MRO: variants seen among roughly 807,000 people sequenced by gnomAD.
MRO encodes protein maestro.
A neutral mutation model predicts 31.0 loss-of-function variants in MRO; 28 were observed. That is an observed-to-expected ratio of 0.90 (90% CI 0.67 to 1.24). MRO has a LOEUF of 1.24. MRO is among the 50% of genes most tolerant of loss of function. MRO has a pLI of 0.00. For missense variants in MRO, 332 were observed against 289.2 expected, an observed-to-expected ratio of 1.15 and a Z score of -1.07; for synonymous variants, 108 against 108.4, an observed-to-expected ratio of 1.00 and a Z score of 0.02.
intron 2 of MRO, 92 bp downstream of exon 2, chr18:50,819,489 C>T (rs1915197313): frequency 2.0e-6 from 3 of 1,509,816 alleles, no homozygotes; most frequent in Non-Finnish European, 2.7e-6. Context: ...TACTGGTGAC[C>T]AGAGTGACAT....
chr18:50,800,315 T>A (rs1913172493), intron 6 of MRO, among the ~76,000 whole-genome samples, 172 bp from the exon 7 acceptor site: 1 of 152,230 alleles, frequency 6.6e-6, no homozygotes, highest in Non-Finnish European at 1.5e-5. Context: ...GCTTATAAAA[T>A]GGCCATGTCT....
rs369332355 is a variant in MRO, at chr18:50,799,536, T to C, written c.694-146A>G. ...TCTGTATCCAGCTAGTGACCTGAAT[T>C]GGAACTGCCGATATATCTCGTGCTT... On this transcript the variant is annotated intron_variant, in intron 7 of 7. Coordinates refer to ENST00000398439, the MANE Select transcript of MRO (RefSeq NM_031939.6). 8.4e-6 allele frequency: 6 copies of C among 718,484 alleles called. No individual in the cohort carries two copies. The African/African-American group carries it at 8.8e-5, about 10-fold the overall frequency. 44.5% of individuals were successfully genotyped at this position (718,484 alleles called of 1,614,324 possible).
intron 5 of MRO, among the ~76,000 whole-genome samples, chr18:50,802,567 G>A (rs1913448072): frequency 6.6e-6 from 1 of 152,150 alleles, no homozygotes; most frequent in Non-Finnish European, 1.5e-5. Context: ...GAGGAGGGCT[G>A]GGGTGGGCCT....
upstream of MRO, among the ~76,000 whole-genome samples, chr18:50,824,459 CTT>C (rs202196810): frequency 3.8e-5 from 5 of 131,288 alleles, no homozygotes; most frequent in Admixed American, 7.7e-5. Flanking sequence ...TTTTTTCTTT[CTT>C]TTTTTTTTTT....
At chr18:50,801,229 C>T (rs904346548) in intron 6 of MRO, 120 bp downstream of exon 6, 119 of 818,422 alleles carry the variant, frequency 1.5e-4, no homozygotes, top group Non-Finnish European at 1.8e-4. Flanking sequence ...CACACAGAAA[C>T]GCTGCTAAGT....
upstream of MRO, chr18:50,820,146 C>T: frequency 4.9e-6 from 3 of 614,986 alleles, no homozygotes; most frequent in Non-Finnish European, 5.8e-6. Flanking sequence ...CCGTGGCTGC[C>T]TCCTTCCTTA....
intron 2 of MRO, chr18:50,819,314 C>A (rs1286719495): frequency 5.9e-6 from 3 of 507,548 alleles, no homozygotes; most frequent in Admixed American, 6.4e-5. Context: ...TGAGTCCCTG[C>A]CATTCTATTA....
rs568971486 is a variant in MRO at position 50,798,452 on chromosome 18, T to C, written c.*885A>G. The C allele has an allele frequency of 6.6e-6, 1 of 152,304 alleles. No homozygotes were observed. Among genetic ancestry groups the C allele is most frequent in the Admixed American group, 6.5e-5 (1 of 15,292 alleles). The allele number at this position is 152,304 out of a possible 1,614,324, so 9.4% of individuals were successfully genotyped here. On this transcript the variant is annotated 3_prime_UTR_variant, in exon 8 of 8. Transcript: ENST00000398439. Reference sequence around the variant, plus strand: ...TGGAAAGGCAGGATGGCATGATTATTGAGTATGGGCTCAAGAAGTCAGACC... The same window carrying C: ...TGGAAAGGCAGGATGGCATGATTATCGAGTATGGGCTCAAGAAGTCAGACC...
intron 2 of MRO, chr18:50,815,462 C>T (rs756666582): frequency 1.1e-5 from 3 of 275,562 alleles, no homozygotes; most frequent in African/African-American, 4.5e-5. Flanking sequence ...TGATCCTGGT[C>T]GTAATAGTAG....
At position 50,796,398 on chromosome 18, in the gene MRO, T is replaced by C. The variant is rs199656219; in HGVS notation, c.*2939A>G. Reference sequence around the variant, plus strand: ...CTTCTGTAGTTTCAATCTAACAGGATAAAAAAAAAAACATAAAGCCATATA... The same window carrying C: ...CTTCTGTAGTTTCAATCTAACAGGACAAAAAAAAAAACATAAAGCCATATA... On this transcript the variant is annotated 3_prime_UTR_variant, in exon 8 of 8. Coordinates refer to ENST00000398439, the MANE Select transcript of MRO (RefSeq NM_031939.6). The C allele has an allele frequency of 6.7e-6, 1 of 148,172 alleles. No individual in the cohort carries two copies. The highest frequency in any genetic ancestry group is 2.5e-5 in the African/African-American group (1 of 40,158). The allele number at this position is 148,172 out of a possible 1,614,324, so 9.2% of individuals were successfully genotyped here.
chr18:50,806,733 C>T lies in MRO; in HGVS notation c.217G>A (p.Gly73Arg). The T allele has an allele frequency of 1.2e-6, 2 of 1,614,170 alleles. No homozygotes were observed. The highest frequency in any genetic ancestry group is 1.7e-6 in the Non-Finnish European group (2 of 1,180,040). ...TCAGGGGCTTCATAGGCCATGGTTC[C>T]CAAGTTTCTCATTGCCATGTGACGC... ...KKRHMAMRNL[G>R]TMAYEAPDKV... is the part of the protein sequence containing the mutation. The change falls in exon 4 of 8, where the codon GGA (glycine) becomes AGA (arginine). Residue 73 changes from glycine (G) to arginine (R), a missense_variant. Transcript: ENST00000398439.
At position 50,795,592 on chromosome 18, in the gene MRO, C is replaced by T. The variant is rs1280030971; in HGVS notation, c.*3745G>A. On this transcript the variant is annotated 3_prime_UTR_variant, in exon 8 of 8. Coordinates refer to ENST00000398439, the MANE Select transcript of MRO (RefSeq NM_031939.6). ...TCACACCTGTTAGATTCTCAGCCTC[C>T]TCCTTTGTCATTTTCTCTCCTCTCT... 6.6e-6 allele frequency: 1 copy of T among 152,240 alleles called. No homozygotes were observed. Among genetic ancestry groups the T allele is most frequent in the Non-Finnish European group, 1.5e-5 (1 of 68,084 alleles). 9.4% of individuals were successfully genotyped at this position (152,240 alleles called of 1,614,324 possible).
intron 3 of MRO, among the ~76,000 whole-genome samples, chr18:50,808,068 C>T (rs1320737426): frequency 1.3e-5 from 2 of 152,214 alleles, no homozygotes; most frequent in Non-Finnish European, 2.9e-5. Context: ...GCCTGGGCAA[C>T]AGAGCGAGAC....
chr18:50,811,724 A>T (rs1377212244), intron 2 of MRO, among the ~76,000 whole-genome samples: 3 of 146,890 alleles, frequency 2.0e-5, no homozygotes, highest in African/African-American at 7.5e-5. Flanking sequence ...TAGGAGTAGA[A>T]TTGCTGAGTC....
Position 50,799,094 on chromosome 18 carries a change from A to T in MRO, c.*243T>A. ...TTGGAATGTTTTAAAGAAAGTGTGT[A>T]CCTGCTCATCAAATTTGTATGGGGA... On this transcript the variant is annotated 3_prime_UTR_variant, in exon 8 of 8. Coordinates refer to ENST00000398439, the MANE Select transcript of MRO (RefSeq NM_031939.6). 1 of 480,016 alleles carries T rather than the reference A, an allele frequency of 2.1e-6. No individual in the cohort carries two copies. Among genetic ancestry groups the T allele is most frequent in the Non-Finnish European group, 3.8e-6 (1 of 265,228 alleles). 29.7% of individuals were successfully genotyped at this position (480,016 alleles called of 1,614,324 possible).
Position 50,799,246 on chromosome 18 carries a change from C to G in MRO, c.*91G>C. 9.0e-7 allele frequency: 1 copy of G among 1,110,866 alleles called. No homozygotes were observed. The highest frequency in any genetic ancestry group is 1.3e-5 in the South Asian group (1 of 78,678). 68.8% of individuals were successfully genotyped at this position (1,110,866 alleles called of 1,614,324 possible). A position where few individuals can be genotyped will look rare whatever the true frequency, so the allele number is the denominator to read the frequency against. On this transcript the variant is annotated 3_prime_UTR_variant, in exon 8 of 8. Coordinates refer to ENST00000398439, the MANE Select transcript of MRO (RefSeq NM_031939.6). The stretch of plus-strand genomic sequence containing the variant: ...TCCCATTACAATCCCAAGAGGCAAG[C>G]AGTGAGAAGAGGCATCCAGTGAGAT...
chr18:50,808,995 G>A (rs543213058), intron 3 of MRO, among the ~76,000 whole-genome samples: 4 of 151,266 alleles, frequency 2.6e-5, no homozygotes, highest in Admixed American at 6.6e-5. Context: ...AAAATTAGCC[G>A]GGCGTAGTGG....
In MRO at chr18:50,798,339, A is replaced by C. The variant is rs924622929; in HGVS notation, c.*998T>G. On this transcript the variant is annotated 3_prime_UTR_variant, in exon 8 of 8. Coordinates refer to ENST00000398439, the MANE Select transcript of MRO (RefSeq NM_031939.6). ...TATACTTAGTACATATAAAATCAAA[A>C]GTTAACTGGGCTTAGTAGAGGAGCA... is the stretch of plus-strand genomic sequence containing the variant. 2.0e-5 allele frequency: 3 copies of C among 152,228 alleles called. No homozygotes were observed. The highest frequency in any genetic ancestry group is 7.2e-5 in the African/African-American group (3 of 41,466). 9.4% of individuals were successfully genotyped at this position (152,228 alleles called of 1,614,324 possible). A position where few individuals can be genotyped will look rare whatever the true frequency, so the allele number is the denominator to read the frequency against.
intron 3 of MRO, among the ~76,000 whole-genome samples, chr18:50,808,933 C>A (rs1398359270): frequency 6.6e-6 from 1 of 150,494 alleles, no homozygotes; most frequent in Non-Finnish European, 1.5e-5. Context: ...GTCAGGAGAT[C>A]GAGACCATCC....
Sources: gnomAD v4.1 joint callset for allele counts (sites outside exome capture counted in the v4.1 genomes callset) on GRCh38, gnomAD v4.1.1 for gene constraint, MANE v1.5 for transcripts, NCBI Gene and HGNC (gene_info 2026-07-23, HGNC 2026-07-21) for gene names.